CEBPA: variants seen among roughly 807,000 people sequenced by gnomAD.
CEBPA encodes the protein CCAAT enhancer binding protein alpha, also known as CCAAT/enhancer-binding protein alpha.
Under a neutral mutation model 5.1 loss-of-function variants are expected in CEBPA, and 2 were observed. The observed-to-expected ratio is 0.39, with a 90% CI of 0.16 to 1.23. The LOEUF (loss-of-function observed/expected upper bound fraction) is 1.23. Ranked by LOEUF, CEBPA falls within the 50% of genes most tolerant of loss-of-function variation. CEBPA has a pLI of 0.34. For missense variants in CEBPA, 455 were observed against 537.4 expected, an observed-to-expected ratio of 0.85 and a Z score of 1.52; for synonymous variants, 275 against 264.1, an observed-to-expected ratio of 1.04 and a Z score of -0.40.
In CEBPA at chr19:33,302,112, G is replaced by T. The variant is rs1219973444; in HGVS notation, c.303C>A (p.Gly101=). The change falls in exon 1 of 1, where the codon GGC becomes GGA. Residue 101 remains glycine (G), a synonymous_variant. Transcript: ENST00000498907. ...AKAAVGPTGG[G]GGGDFDYPGA... ...CCGGGTAGTCAAAGTCGCCGCCGCCGCCGCCGCCCGTGGGGCCCACGGCCG... is the reference window on the plus strand; with the variant it reads ...CCGGGTAGTCAAAGTCGCCGCCGCCTCCGCCGCCCGTGGGGCCCACGGCCG... The T allele has an allele frequency of 7.5e-7, 1 of 1,340,014 alleles. No homozygotes were observed. The highest frequency in any genetic ancestry group is 3.2e-5 in the Admixed American group (1 of 31,726). The allele number at this position is 1,340,014 out of a possible 1,614,324, so 83.0% of individuals were successfully genotyped here. A position where few individuals can be genotyped will look rare whatever the true frequency, so the allele number is the denominator to read the frequency against.
Position 33,302,311 on chromosome 19 carries a change from C to A in CEBPA, c.104G>T (p.Arg35Leu). Residue 35 changes from arginine to leucine, a missense_variant, in exon 1 of 1, where the codon CGG becomes CTG. By Grantham distance (102) the Arg-to-Leu change is moderately radical. Around this residue, in one of 5 missense-constraint regions of CEBPA, gnomAD observed 143 missense variants for 153.9 expected, o/e 0.93. Transcript: ENST00000498907. ...GGGAGGCTGCGCGGGGCCCGCGCCC[C>A]GGGGAAAGCCGAAGGCGGCGCTGCT... The part of the protein sequence containing the change: ...APSSAAFGFP[R>L]GAGPAQPPAP... The A allele has an allele frequency of 7.0e-7, 1 of 1,433,952 alleles. No individual in the cohort carries two copies. Among genetic ancestry groups the A allele is most frequent in the Non-Finnish European group, 9.2e-7 (1 of 1,089,402 alleles). 88.8% of individuals were successfully genotyped at this position (1,433,952 alleles called of 1,614,324 possible). A position where few individuals can be genotyped will look rare whatever the true frequency, so the allele number is the denominator to read the frequency against.
Sources: allele counts gnomAD v4.1 joint callset, GRCh38; gene constraint gnomAD v4.1.1; regional missense constraint gnomAD v4.1.1; transcripts MANE v1.5; gene names NCBI Gene and HGNC (gene_info 2026-07-23, HGNC 2026-07-21).